The following HFM1 variants were observed in gnomAD, a reference collection of about 807,000 sequenced individuals.
HFM1 encodes probable ATP-dependent DNA helicase HFM1.
A neutral mutation model predicts 192.1 loss-of-function variants in HFM1; 169 were observed. That is an observed-to-expected ratio of 0.88 (90% CI 0.78 to 1.00). The LOEUF (loss-of-function observed/expected upper bound fraction) is 1.00. HFM1 is among the 50% of genes least tolerant of loss of function. HFM1 has a pLI of 0.00. For missense variants in HFM1, 1,661 were observed against 1,668.0 expected, an observed-to-expected ratio of 1.00 and a Z score of 0.07; for synonymous variants, 525 against 537.8, an observed-to-expected ratio of 0.98 and a Z score of 0.33.
rs549424007 is a variant in HFM1, at chr1:91,274,672, T to G, written c.3668+58A>C. 3.2e-5 allele frequency: 28 copies of G among 864,500 alleles called. No homozygotes were observed. In the South Asian group the frequency reaches 3.3e-4, roughly 10 times the overall value. The allele number at this position is 864,500 out of a possible 1,614,324, so 53.6% of individuals were successfully genotyped here. A position where few individuals can be genotyped will look rare whatever the true frequency, so the allele number is the denominator to read the frequency against. ...ATCTTTCCCTGAATAAGTGGTTACC[T>G]GCAGGAACAGAGTTTACGATAAATA... On this transcript the variant is annotated intron_variant, in intron 33 of 38. Coordinates refer to ENST00000370425, the MANE Select transcript of HFM1 (RefSeq NM_001017975.6).
At chr1:91,369,467 A>G (rs943016682) in intron 13 of HFM1, among the ~76,000 whole-genome samples, 4 of 152,208 alleles carry the variant, frequency 2.6e-5, no homozygotes, top group Non-Finnish European at 5.9e-5. Context: ...GCTCAACTAC[A>G]TGGAAACTGA....
At chr1:91,277,672 TAC>T (rs56695899) in intron 30 of HFM1, among the ~76,000 whole-genome samples, 16 of 129,606 alleles carry the variant, frequency 1.2e-4, no homozygotes, top group Admixed American at 6.9e-4. Context: ...ATATAATATA[TAC>T]ACTATATATA....
intron 30 of HFM1, among the ~76,000 whole-genome samples, chr1:91,298,866 A>G (rs1557807500): frequency 1.3e-5 from 2 of 152,208 alleles, no homozygotes; most frequent in Admixed American, 6.5e-5. Context: ...GAGGCTAGGA[A>G]GAAACTGCAT....
intron 8 of HFM1, 135 bp from the exon 9 acceptor site, chr1:91,379,349 T>C: frequency 1.5e-6 from 1 of 677,676 alleles, no homozygotes; most frequent in Non-Finnish European, 2.4e-6. Context: ...AAATGAACAA[T>C]ATAGGCACAT....
chr1:91,291,753 A>G (rs997221477), intron 30 of HFM1, among the ~76,000 whole-genome samples: 32 of 152,076 alleles, frequency 2.1e-4, no homozygotes, highest in Non-Finnish European at 3.2e-4. Context: ...CAACCAAAAA[A>G]GAGAATTTTA....
Position 91,324,656 on chromosome 1 carries a change from C to T in HFM1, c.2427+19G>A, listed in dbSNP as rs1311968640. 3 of 1,092,150 alleles carry T rather than the reference C, an allele frequency of 2.7e-6. No individual in the cohort carries two copies. In the Admixed American group the frequency reaches 5.7e-5, roughly 21 times the overall value. The allele number at this position is 1,092,150 out of a possible 1,614,324, so 67.7% of individuals were successfully genotyped here. On this transcript the variant is annotated intron_variant, in intron 21 of 38. Transcript: ENST00000370425. ...TACTATACCACTATGTATTTTTTTTCTAGTGAAAATTAATTTACCAGATCT... is the reference window on the plus strand; with the variant it reads ...TACTATACCACTATGTATTTTTTTTTTAGTGAAAATTAATTTACCAGATCT...
intron 30 of HFM1, among the ~76,000 whole-genome samples, chr1:91,289,036 C>A (rs12077518): frequency 1.3e-5 from 2 of 150,542 alleles, no homozygotes; most frequent in Non-Finnish European, 1.5e-5. Flanking sequence ...GGCAGCTGGC[C>A]GGGCGGGGGC....
intron 30 of HFM1, among the ~76,000 whole-genome samples, chr1:91,299,653 T>C (rs1458747427): frequency 6.6e-6 from 1 of 152,156 alleles, no homozygotes; most frequent in East Asian, 1.9e-4. Flanking sequence ...CTCAACTACA[T>C]GGAAACTGAA....
rs191859435 is a variant in HFM1 at position 91,334,912 on chromosome 1, G to A, written c.2335+8518C>T. 3.0e-4 allele frequency among the ~76,000 whole-genome samples: 45 copies of A among 149,968 alleles called. 1 individual carries two copies. The East Asian group carries it at 8.8e-3, about 29-fold the overall frequency. The stretch of plus-strand genomic sequence containing the variant: ...CCACTGTACTCTAGCCTGGGTGACA[G>A]AGCAAGACTCTCTGTCTCAAAAAAA... On this transcript the variant is annotated intron_variant, in intron 20 of 38. Transcript: ENST00000370425.
chr1:91,368,463 A>G (rs932909679), intron 13 of HFM1, among the ~76,000 whole-genome samples: 4 of 152,168 alleles, frequency 2.6e-5, no homozygotes. Flanking sequence ...AAAGAAACGA[A>G]TTTTCAACCC....
At chr1:91,336,881 C>T (rs925257540) in intron 20 of HFM1, among the ~76,000 whole-genome samples, 2 of 152,162 alleles carry the variant, frequency 1.3e-5, no homozygotes, top group African/African-American at 4.8e-5. Flanking sequence ...TACACATACA[C>T]CATGGGATAC....
chr1:91,296,020 C>T (rs1647510895), intron 30 of HFM1, among the ~76,000 whole-genome samples: 1 of 152,136 alleles, frequency 6.6e-6, no homozygotes, highest in African/African-American at 2.4e-5. Flanking sequence ...GCTCTGCCTC[C>T]CAGGTTCATG....
At position 91,324,601 on chromosome 1, in the gene HFM1, C is replaced by T. The variant is rs1016873892; in HGVS notation, c.2427+74G>A. ...TCATTCTTAAATTATATGAGATACACAAATTAGTTGTTTCTCAAATATTAT... is the reference window on the plus strand; with the variant it reads ...TCATTCTTAAATTATATGAGATACATAAATTAGTTGTTTCTCAAATATTAT... On this transcript the variant is annotated intron_variant, in intron 21 of 38. Coordinates refer to ENST00000370425, the MANE Select transcript of HFM1 (RefSeq NM_001017975.6). The T allele has an allele frequency of 3.5e-5, 25 of 714,408 alleles. No homozygotes were observed. The East Asian group carries it at 6.7e-4, about 19-fold the overall frequency. 44.3% of individuals were successfully genotyped at this position (714,408 alleles called of 1,614,324 possible).
intron 2 of HFM1, among the ~76,000 whole-genome samples, chr1:91,399,584 A>G (rs1214292389): frequency 2.0e-5 from 3 of 152,150 alleles, no homozygotes; most frequent in East Asian, 3.9e-4. Flanking sequence ...TGAATTGTCT[A>G]TTCCAGGAAA....
intron 30 of HFM1, among the ~76,000 whole-genome samples, chr1:91,290,392 G>A (rs1238281776): frequency 6.6e-6 from 1 of 152,012 alleles, no homozygotes; most frequent in East Asian, 1.9e-4. Context: ...AAAGGCAGGG[G>A]TTGCAATCCT....
At chr1:91,347,187 A>C (rs1022716097) in intron 19 of HFM1, among the ~76,000 whole-genome samples, 1 of 152,216 alleles carries the variant, frequency 6.6e-6, no homozygotes, top group African/African-American at 2.4e-5. Flanking sequence ...AATAAAAACC[A>C]AATAAACCAA....
chr1:91,398,136 C>T (rs1663891923), intron 2 of HFM1, among the ~76,000 whole-genome samples: 1 of 152,166 alleles, frequency 6.6e-6, no homozygotes, highest in Non-Finnish European at 1.5e-5. Context: ...TTTTCAAGAA[C>T]AGCAGTTTAG....
At chr1:91,354,195 C>A (rs553986777) in intron 13 of HFM1, among the ~76,000 whole-genome samples, 324 of 150,922 alleles carry the variant, frequency 2.1e-3, no homozygotes, top group African/African-American at 7.6e-3. Context: ...TGAATGAAAT[C>A]AAAAATAGAG....
intron 23 of HFM1, among the ~76,000 whole-genome samples, chr1:91,320,923 G>A (rs1008015796): frequency 3.9e-5 from 6 of 152,080 alleles, no homozygotes; most frequent in Admixed American, 1.3e-4. Flanking sequence ...GTATTGATTC[G>A]GTTAGAATTA....
Sources: allele counts gnomAD v4.1 joint callset (sites outside exome capture counted in the v4.1 genomes callset), GRCh38; gene constraint gnomAD v4.1.1; transcripts MANE v1.5; gene names NCBI Gene and HGNC (gene_info 2026-07-23, HGNC 2026-07-21).